Variants in SNRK observed in about 807,000 individuals in gnomAD.
SNRK encodes SNF-related serine/threonine-protein kinase.
In SNRK, 3 loss-of-function variants were observed where a neutral mutation model predicts 48.2. The observed-to-expected ratio is 0.06, with a 90% CI of 0.03 to 0.16. SNRK has a LOEUF of 0.16. Among genes scored for constraint, SNRK ranks in the 10% least tolerant of loss-of-function variants. SNRK has a pLI of 1.00. For missense variants in SNRK, 627 were observed against 976.0 expected, an observed-to-expected ratio of 0.64 and a Z score of 4.76; for synonymous variants, 376 against 366.1, an observed-to-expected ratio of 1.03 and a Z score of -0.31.
chr3:43,346,798 TTA>T (rs1237931582), intron 6 of SNRK: 4 of 152,326 alleles, frequency 2.6e-5, no homozygotes, highest in Admixed American at 6.5e-5. Flanking sequence ...GAAGAGATTT[TTA>T]TATGTTTTTG....
rs943029095 is a variant in SNRK, at chr3:43,350,110, A to T, written c.*1553A>T. 2 of 152,646 alleles carry T rather than the reference A, an allele frequency of 1.3e-5. No individual in the cohort carries two copies. The highest frequency in any genetic ancestry group is 4.8e-5 in the African/African-American group (2 of 41,460). 9.5% of individuals were successfully genotyped at this position (152,646 alleles called of 1,614,324 possible). On this transcript the variant is annotated 3_prime_UTR_variant, in exon 7 of 7. Transcript: ENST00000296088. Reference sequence around the variant, plus strand: ...GAACTCTGAATTTCACAGTATACTTACTAAACTAAGTAAAAATGATACTTA... The same window carrying T: ...GAACTCTGAATTTCACAGTATACTTTCTAAACTAAGTAAAAATGATACTTA...
chr3:43,321,974 C>A (rs2091056991), intron 3 of SNRK, among the ~76,000 whole-genome samples: 1 of 152,230 alleles, frequency 6.6e-6, no homozygotes, highest in African/African-American at 2.4e-5. Flanking sequence ...TTTTAGGTTT[C>A]ATTATGATTA....
intron 3 of SNRK, among the ~76,000 whole-genome samples, chr3:43,313,880 C>T (rs1038953277): frequency 1.3e-5 from 2 of 152,098 alleles, no homozygotes; most frequent in Non-Finnish European, 2.9e-5. Context: ...AATATAGATA[C>T]ATATTATTCA....
At chr3:43,294,704 A>G (rs898887516) in intron 1 of SNRK, among the ~76,000 whole-genome samples, 1 of 151,666 alleles carries the variant, frequency 6.6e-6, no homozygotes, top group Non-Finnish European at 1.5e-5. Flanking sequence ...GTTAGGTGCC[A>G]GTATTTTGGT....
intron 6 of SNRK, among the ~76,000 whole-genome samples, chr3:43,346,129 A>G (rs74382900): frequency 0.01 from 1,582 of 152,280 alleles, 25 homozygotes; most frequent in African/African-American, 0.035. Context: ...GAAAACCAAG[A>G]AGTTAACCCA....
chr3:43,297,562 G>C (rs2090865683), intron 1 of SNRK, among the ~76,000 whole-genome samples: 1 of 148,608 alleles, frequency 6.7e-6, no homozygotes, highest in African/African-American at 2.6e-5. Context: ...ATAAAGGGTG[G>C]GATAATGGAT....
chr3:43,321,274 C>T (rs112600515), intron 3 of SNRK, among the ~76,000 whole-genome samples: 1 of 152,198 alleles, frequency 6.6e-6, no homozygotes, highest in Admixed American at 6.5e-5. Flanking sequence ...AAGGGGACAG[C>T]TTTTCTTATG....
rs2091314291 is a variant in SNRK, at chr3:43,350,407, A to G, written c.*1850A>G. ...AACTCTTTGTTGCAGCTGTTTTCCA[A>G]GCAGTGTAAATACTTTTTCCTGTGA... On this transcript the variant is annotated 3_prime_UTR_variant, in exon 7 of 7. Transcript: ENST00000296088. 6.5e-6 allele frequency: 1 copy of G among 152,672 alleles called. No homozygotes were observed. The highest frequency in any genetic ancestry group is 2.4e-5 in the African/African-American group (1 of 41,466). 9.5% of individuals were successfully genotyped at this position (152,672 alleles called of 1,614,324 possible).
At chr3:43,314,389 A>G (rs1025087199) in intron 3 of SNRK, among the ~76,000 whole-genome samples, 2 of 152,212 alleles carry the variant, frequency 1.3e-5, no homozygotes, top group African/African-American at 4.8e-5. Flanking sequence ...GTGAAAAGGT[A>G]AATTAATAAA....
intron 3 of SNRK, among the ~76,000 whole-genome samples, chr3:43,329,597 A>G (rs924744276): frequency 7.2e-5 from 11 of 152,212 alleles, no homozygotes; most frequent in Non-Finnish European, 1.6e-4. Flanking sequence ...AGCTTAGCCA[A>G]CTACTTGACA....
intron 3 of SNRK, among the ~76,000 whole-genome samples, 155 bp from the exon 4 acceptor site, chr3:43,332,014 C>G (rs1270074985): frequency 3.3e-5 from 5 of 152,224 alleles, no homozygotes; most frequent in African/African-American, 1.2e-4. Context: ...GACACCTTCC[C>G]TGCCCTATTG....
At chr3:43,335,388 A>G (rs2125641765) in intron 4 of SNRK, among the ~76,000 whole-genome samples, 1 of 152,298 alleles carries the variant, frequency 6.6e-6, no homozygotes, top group Admixed American at 6.5e-5. Flanking sequence ...TTTTCTAATT[A>G]GCTTTTTATT....
At position 43,339,815 on chromosome 3, in the gene SNRK, CAA is replaced by C. The variant is rs1294132303; in HGVS notation, c.732-469_732-468del. ...TGGCAATGGAGTGGGACTCCATTTC[CAA>C]AATATATATATATATATATATATAT... On this transcript the variant is annotated intron_variant, in intron 4 of 6. Transcript: ENST00000296088. Among the ~76,000 whole-genome samples the C allele has an allele frequency of 7.7e-5, 6 of 77,934 alleles. 1 individual carries two copies. Among genetic ancestry groups the C allele is most frequent in the African/African-American group, 1.8e-4 (4 of 22,412 alleles). 51.1% of individuals were successfully genotyped at this position (77,934 alleles called of 152,430 possible). A position where few individuals can be genotyped will look rare whatever the true frequency, so the allele number is the denominator to read the frequency against.
chr3:43,340,278 C>G lies in SNRK; in HGVS notation c.732-9C>G, dbSNP rs367705688. 140 of 1,612,004 alleles carry G rather than the reference C, an allele frequency of 8.7e-5. No homozygotes were observed. The highest frequency in any genetic ancestry group is 1.2e-4 in the Non-Finnish European group (137 of 1,178,296). ...TTTGCTTTAACAATGGACTTACCTTCCTTTCCAGCCTAATCACACGGATGC... is the reference window on the plus strand; with the variant it reads ...TTTGCTTTAACAATGGACTTACCTTGCTTTCCAGCCTAATCACACGGATGC... On this transcript the variant is annotated splice_polypyrimidine_tract_variant and intron_variant, in intron 4 of 6. Transcript: ENST00000296088.
chr3:43,293,624 T>C (rs1275272887), intron 1 of SNRK, among the ~76,000 whole-genome samples: 2 of 152,066 alleles, frequency 1.3e-5, no homozygotes, highest in African/African-American at 2.4e-5. Flanking sequence ...TTATGAAAGA[T>C]TGGGACAGGC....
At chr3:43,306,125 A>AGTAG (rs1191042662) in intron 3 of SNRK, among the ~76,000 whole-genome samples, 2 of 152,174 alleles carry the variant, frequency 1.3e-5, no homozygotes, top group Non-Finnish European at 2.9e-5. Context: ...GTGTTGGTGA[A>AGTAG]GTAGGCTTGG....
chr3:43,347,320 C>A lies in SNRK; in HGVS notation c.1080-19C>A. 1 of 1,528,184 alleles carries A rather than the reference C, an allele frequency of 6.5e-7. No homozygotes were observed. Among genetic ancestry groups the A allele is most frequent in the Non-Finnish European group, 8.8e-7 (1 of 1,139,282 alleles). The allele number at this position is 1,528,184 out of a possible 1,614,324, so 94.7% of individuals were successfully genotyped here. ...AATGATTATATGGCTTTTTTCCCCCCAATCTATCTGTTACATAGGCAGTCA... is the reference window on the plus strand; with the variant it reads ...AATGATTATATGGCTTTTTTCCCCCAAATCTATCTGTTACATAGGCAGTCA... On this transcript the variant is annotated intron_variant, in intron 6 of 6. Coordinates refer to ENST00000296088, the MANE Select transcript of SNRK (RefSeq NM_017719.5). This position sits in a 1 kb window ranked among gnomAD's most constrained non-coding sequence, Gnocchi z 5.4.
intron 6 of SNRK, among the ~76,000 whole-genome samples, chr3:43,343,746 C>T (rs1385730974): frequency 6.6e-6 from 1 of 152,058 alleles, no homozygotes; most frequent in African/African-American, 2.4e-5. Context: ...GGAGAAGCAG[C>T]CTCAAGCCAG....
At chr3:43,323,654 T>A (rs1188419473) in intron 3 of SNRK, among the ~76,000 whole-genome samples, 1 of 152,222 alleles carries the variant, frequency 6.6e-6, no homozygotes, top group East Asian at 1.9e-4. Flanking sequence ...TACAAAAGCC[T>A]GTACACACTT....
Sources: allele counts gnomAD v4.1 joint callset (sites outside exome capture counted in the v4.1 genomes callset), GRCh38; gene constraint gnomAD v4.1.1; non-coding constraint Gnocchi (gnomAD v3.1); transcripts MANE v1.5; gene names NCBI Gene and HGNC (gene_info 2026-07-23, HGNC 2026-07-21).